FCGR2A: variants seen among roughly 807,000 people sequenced by gnomAD.
The protein encoded by FCGR2A is Fc gamma receptor IIa, also known as low affinity immunoglobulin gamma Fc region receptor II-a.
FCGR2A carries 18 observed loss-of-function variants against 29.3 expected under a neutral mutation model. The observed-to-expected ratio is 0.62, with a 90% CI of 0.43 to 0.91. FCGR2A has a LOEUF of 0.91. Among genes scored for constraint, FCGR2A ranks in the 40% least tolerant of loss-of-function variants. The pLI is 0.00. For synonymous variants in FCGR2A, 126 were observed against 144.8 expected, an observed-to-expected ratio of 0.87 and a Z score of 0.93; for missense variants, 287 against 393.0, an observed-to-expected ratio of 0.73 and a Z score of 2.28.
intron 6 of FCGR2A, among the ~76,000 whole-genome samples, chr1:161,516,253 TAA>T (rs1175923077): frequency 6.6e-6 from 1 of 152,090 alleles, no homozygotes; most frequent in Non-Finnish European, 1.5e-5. Context: ...GACAAACTAC[TAA>T]AACAAAAATA....
rs1219623516 is a variant in FCGR2A, at chr1:161,506,855, A to G, written c.364+264A>G. The G allele has an allele frequency of 6.4e-6, 4 of 627,020 alleles. No individual in the cohort carries two copies. In the East Asian group the frequency reaches 1.2e-4, roughly 18 times the overall value. The allele number at this position is 627,020 out of a possible 1,614,324, so 38.8% of individuals were successfully genotyped here. On this transcript the variant is annotated intron_variant, in intron 3 of 6. Coordinates refer to ENST00000271450, the MANE Select transcript of FCGR2A (RefSeq NM_001136219.3). The stretch of plus-strand genomic sequence containing the variant: ...TGAGCAAGGGGGTTACGAGGCCACA[A>G]ACAGCTGAGTGTGGGAGAAGCAGAA...
At chr1:161,522,215 GAAAC>G (rs1008219835), downstream of FCGR2A, among the ~76,000 whole-genome samples, 16 of 151,866 alleles carry the variant, frequency 1.1e-4, no homozygotes, top group African/African-American at 2.9e-4. Flanking sequence ...AAAATAAAAA[GAAAC>G]AAACAAAAAA....
chr1:161,509,779 C>G, intron 3 of FCGR2A, 41 bp from the exon 4 acceptor site: 1 of 1,612,068 alleles, frequency 6.2e-7, no homozygotes, highest in Non-Finnish European at 8.5e-7. Flanking sequence ...CCCTTGGAAT[C>G]TATCCTTACA....
chr1:161,515,807 C>A, intron 6 of FCGR2A, among the ~76,000 whole-genome samples: 1 of 152,166 alleles, frequency 6.6e-6, no homozygotes, highest in Non-Finnish European at 1.5e-5. Context: ...AATTTCAGAA[C>A]AAAAGCCATG....
chr1:161,512,587 G>T lies in FCGR2A; in HGVS notation c.743-1308G>T, dbSNP rs559747758. The stretch of plus-strand genomic sequence containing the variant: ...GTGGGAGTATGTAAAGGAACTTCCA[G>T]GAGGATGCCAGGCAACTTCCAGACT... On this transcript the variant is annotated intron_variant, in intron 5 of 6. Transcript: ENST00000271450. Among the ~76,000 whole-genome samples the T allele has an allele frequency of 4.0e-5, 6 of 150,148 alleles. No individual in the cohort carries two copies. The East Asian group carries it at 1.2e-3, about 29-fold the overall frequency.
Position 161,513,930 on chromosome 1 carries a change from G to C in FCGR2A, c.778G>C (p.Glu260Gln). The C allele has an allele frequency of 3.7e-6, 6 of 1,614,224 alleles. No homozygotes were observed. The highest frequency in any genetic ancestry group is 3.4e-6 in the Non-Finnish European group (4 of 1,180,046). Residue 260 changes from glutamate to glutamine, a missense_variant and splice_region_variant, in exon 6 of 7, where the codon GAG (glutamate) becomes CAG (glutamine). Glu to Gln is a conservative substitution (Grantham distance 29, BLOSUM62 2). Transcript: ENST00000271450. Reference sequence around the variant, plus strand: ...TGATCCTGTGAAGGCTGCCCAATTTGAGGTGAGTAATCCCAGCCATCTCCT... The same window carrying C: ...TGATCCTGTGAAGGCTGCCCAATTTCAGGTGAGTAATCCCAGCCATCTCCT... ...STDPVKAAQFEPPGRQMIAIR... is the reference protein window; with the variant it reads ...STDPVKAAQFQPPGRQMIAIR...
At position 161,506,420 on chromosome 1, in the gene FCGR2A, G is replaced by A. The variant is rs201099382; in HGVS notation, c.193G>A (p.Ala65Thr). The part of the protein sequence containing the change: ...EDSVTLTCQG[A>T]RSPESDSIQW... ...CTCTGTGACTCTGACATGCCAGGGG[G>A]CTCGCAGCCCTGAGAGCGACTCCAT... The change falls in exon 3 of 7, where the codon GCT (alanine) becomes ACT (threonine). Residue 65 changes from alanine (A) to threonine (T), a missense_variant. Physicochemically the swap from Ala to Thr is moderately conservative, Grantham distance 58. Transcript: ENST00000271450. 3.7e-6 allele frequency: 6 copies of A among 1,614,092 alleles called. No homozygotes were observed. The Admixed American group carries it at 6.7e-5, about 18-fold the overall frequency.
At chr1:161,523,836 A>G (rs1234825933), downstream of FCGR2A, 1 of 151,980 alleles carries the variant, frequency 6.6e-6, no homozygotes, top group African/African-American at 2.4e-5. Flanking sequence ...TGGATCGGAA[A>G]AAAATGAAAG....
At chr1:161,505,598 C>G (rs1675334831) in intron 1 of FCGR2A, 46 bp downstream of exon 1, 1 of 1,433,466 alleles carries the variant, frequency 7.0e-7, no homozygotes, top group Non-Finnish European at 9.8e-7. Flanking sequence ...GACACTCCTA[C>G]TGCCTGGACT....
chr1:161,520,768 A>G (rs1488295349), downstream of FCGR2A, among the ~76,000 whole-genome samples: 2 of 152,060 alleles, frequency 1.3e-5, no homozygotes, highest in Admixed American at 6.6e-5. Flanking sequence ...TCTTTTAAAA[A>G]TGTGTGTCAT....
intron 2 of FCGR2A, 73 bp from the exon 3 acceptor site, chr1:161,506,261 T>C (rs1675382700): frequency 1.3e-6 from 2 of 1,584,772 alleles, no homozygotes; most frequent in South Asian, 1.1e-5. Context: ...CTGACCTCCC[T>C]TGGGAGCTCC....
downstream of FCGR2A, among the ~76,000 whole-genome samples, chr1:161,521,240 T>C (rs534533): frequency 9.1e-4 from 139 of 152,074 alleles, no homozygotes; most frequent in Middle Eastern, 3.4e-3. Context: ...CATTAGAATG[T>C]GAGCTCCAGG....
At chr1:161,522,290 A>G (rs1676483741), downstream of FCGR2A, among the ~76,000 whole-genome samples, 1 of 152,132 alleles carries the variant, frequency 6.6e-6, no homozygotes, top group Admixed American at 6.5e-5. Context: ...CCAAAACTGT[A>G]CTGCATGCAT....
chr1:161,511,793 A>T (rs1675804987), intron 5 of FCGR2A, among the ~76,000 whole-genome samples: 1 of 152,156 alleles, frequency 6.6e-6, no homozygotes, highest in Admixed American at 6.5e-5. Flanking sequence ...GAGTGCAGGG[A>T]AATGGGAGAG....
downstream of FCGR2A, among the ~76,000 whole-genome samples, chr1:161,522,585 G>C (rs1477160466): frequency 4.6e-5 from 7 of 152,072 alleles, no homozygotes; most frequent in Non-Finnish European, 4.4e-5. Flanking sequence ...TCTCTTGCAG[G>C]CCGTTGGCAA....
At chr1:161,510,780 C>T (rs200010968) in intron 4 of FCGR2A, 54 bp from the exon 5 acceptor site, 268 of 1,606,022 alleles carry the variant, frequency 1.7e-4, no homozygotes, top group Middle Eastern at 5.0e-4. Flanking sequence ...AGAATACAAA[C>T]GTTGTCATTA....
In FCGR2A at chr1:161,506,097, A is replaced by T; in HGVS notation, c.106+90A>T. 3 of 1,399,572 alleles carry T rather than the reference A, an allele frequency of 2.1e-6. No individual in the cohort carries two copies. The South Asian group carries it at 3.5e-5, about 16-fold the overall frequency. The allele number at this position is 1,399,572 out of a possible 1,614,324, so 86.7% of individuals were successfully genotyped here. The stretch of plus-strand genomic sequence containing the variant: ...GCTGGGGCGGCGGGGGGGTATGTCT[A>T]TTCCACTGAAAATCAAGCTTGGGTT... On this transcript the variant is annotated intron_variant, in intron 2 of 6. Transcript: ENST00000271450.
downstream of FCGR2A, among the ~76,000 whole-genome samples, chr1:161,521,902 T>C (rs1676467008): frequency 6.6e-6 from 1 of 152,150 alleles, no homozygotes; most frequent in Non-Finnish European, 1.5e-5. Flanking sequence ...CAACTTGCTT[T>C]TTTTTTGTAC....
At chr1:161,506,763 T>G in intron 3 of FCGR2A, 172 bp downstream of exon 3, 1 of 1,269,550 alleles carries the variant, frequency 7.9e-7, no homozygotes, top group Non-Finnish European at 1.1e-6. Context: ...GCATGCGTGG[T>G]GGGGGAAGGG....
Sources: gnomAD v4.1 joint callset for allele counts (sites outside exome capture counted in the v4.1 genomes callset) on GRCh38, gnomAD v4.1.1 for gene constraint, MANE v1.5 for transcripts, NCBI Gene and HGNC (gene_info 2026-07-23, HGNC 2026-07-21) for gene names.